The following TBC1D5 variants were observed in gnomAD, a reference collection of about 807,000 sequenced individuals.
TBC1D5 encodes the protein TBC1 domain family member 5.
In TBC1D5, 75 loss-of-function variants were observed where a neutral mutation model predicts 100.3. The ratio of observed to expected loss-of-function variants is 0.75; its 90% CI spans 0.62 to 0.91. The LOEUF (loss-of-function observed/expected upper bound fraction) is 0.91. TBC1D5 is among the 40% of genes least tolerant of loss of function. The pLI is 0.00. For synonymous variants in TBC1D5, 323 were observed against 325.6 expected (o/e 0.99, Z 0.09); for missense variants, 910 against 942.4 (o/e 0.97, Z 0.45).
intron 17 of TBC1D5, among the ~76,000 whole-genome samples, chr3:17,223,901 AAAAC>A (rs1311724410): frequency 2.2e-5 from 1 of 45,876 alleles, no homozygotes; most frequent in Non-Finnish European, 5.3e-5. Context: ...CTGTCTCAAA[AAAAC>A]AAAACAAAAC....
intron 7 of TBC1D5, among the ~76,000 whole-genome samples, chr3:17,404,105 G>A (rs944728597): frequency 3.3e-5 from 5 of 152,006 alleles, no homozygotes; most frequent in Non-Finnish European, 1.5e-5. Flanking sequence ...AAATACTTAC[G>A]TATTGGGAAA....
At chr3:17,276,568 G>C (rs943629357) in intron 15 of TBC1D5, among the ~76,000 whole-genome samples, 1 of 152,208 alleles carries the variant, frequency 6.6e-6, no homozygotes, top group African/African-American at 2.4e-5. Context: ...TTTTCTGACA[G>C]CACTAGCAAA....
At chr3:17,335,918 T>C (rs983457897) in intron 13 of TBC1D5, among the ~76,000 whole-genome samples, 2 of 152,136 alleles carry the variant, frequency 1.3e-5, no homozygotes, top group African/African-American at 4.8e-5. Flanking sequence ...ATAAAGCTCA[T>C]GCTGGCTTCT....
chr3:17,553,755 T>C (rs1366266657), intron 2 of TBC1D5, among the ~76,000 whole-genome samples: 2 of 152,210 alleles, frequency 1.3e-5, no homozygotes, highest in Non-Finnish European at 1.5e-5. Flanking sequence ...AGAACATGTA[T>C]CATGTTAACA....
intron 2 of TBC1D5, among the ~76,000 whole-genome samples, chr3:17,532,194 T>C (rs147896259): frequency 0.05 from 7,620 of 152,204 alleles, 251 homozygotes; most frequent in South Asian, 0.077. Context: ...CAGACACTTC[T>C]CAAAAGAAGA....
chr3:17,454,689 T>G (rs1206703239), intron 3 of TBC1D5, among the ~76,000 whole-genome samples: 1 of 152,136 alleles, frequency 6.6e-6, no homozygotes, highest in East Asian at 1.9e-4. Flanking sequence ...CTTGATCTCC[T>G]GACCTCGTGA....
intron 1 of TBC1D5, among the ~76,000 whole-genome samples, chr3:17,685,682 A>T (rs2070165929): frequency 6.6e-6 from 1 of 152,130 alleles, no homozygotes; most frequent in Non-Finnish European, 1.5e-5. Flanking sequence ...GTTCTCATAC[A>T]TCATTAATAT....
At chr3:17,507,321 A>C (rs1046271039) in intron 3 of TBC1D5, among the ~76,000 whole-genome samples, 3 of 152,202 alleles carry the variant, frequency 2.0e-5, no homozygotes, top group African/African-American at 4.8e-5. Context: ...AATATTAAAC[A>C]TAAGTCTTGA....
chr3:17,598,605 A>C (rs888593280), intron 2 of TBC1D5, among the ~76,000 whole-genome samples: 4 of 152,198 alleles, frequency 2.6e-5, no homozygotes, highest in African/African-American at 9.7e-5. Flanking sequence ...CAAACTGCAA[A>C]AAGAAAAACT....
At chr3:17,223,497 C>T (rs2148703775) in intron 17 of TBC1D5, among the ~76,000 whole-genome samples, 1 of 152,254 alleles carries the variant, frequency 6.6e-6, no homozygotes, top group South Asian at 2.1e-4. Flanking sequence ...CTTTAATTCA[C>T]TTGCTCAAGA....
In TBC1D5 at chr3:17,227,847, TAA is replaced by T. The variant is rs550521207; in HGVS notation, c.1588+10314_1588+10315del. ...TGCACATGTACCACTGAACCTAAAA[TAA>T]AAGTTTTTTTTTTTTTTTTTAAGAA... is the stretch of plus-strand genomic sequence containing the variant. On this transcript the variant is annotated intron_variant, in intron 17 of 21. Transcript: ENST00000253692. 1.9e-3 allele frequency among the ~76,000 whole-genome samples: 257 copies of T among 135,796 alleles called. 1 individual carries two copies. The highest frequency in any genetic ancestry group is 6.9e-3 in the African/African-American group (240 of 34,864). 89.1% of individuals were successfully genotyped at this position (135,796 alleles called of 152,430 possible).
At position 17,479,840 on chromosome 3, in the gene TBC1D5, C is replaced by T. The variant is rs553311689; in HGVS notation, c.97+28634G>A. Among the ~76,000 whole-genome samples, 164 of 152,314 alleles carry T rather than the reference C, an allele frequency of 1.1e-3. 1 individual carries two copies. Among genetic ancestry groups the T allele is most frequent in the African/African-American group, 3.8e-3 (158 of 41,568 alleles). On this transcript the variant is annotated intron_variant, in intron 3 of 21. Transcript: ENST00000253692. Reference sequence around the variant, plus strand: ...GAGGCGCTAGCTGGGGCTGCATGCTCTATGAACCTGCGGGAGCGAGGGACA... The same window carrying T: ...GAGGCGCTAGCTGGGGCTGCATGCTTTATGAACCTGCGGGAGCGAGGGACA...
chr3:17,360,688 G>A (rs2151870695), intron 13 of TBC1D5, among the ~76,000 whole-genome samples: 1 of 151,860 alleles, frequency 6.6e-6, no homozygotes, highest in East Asian at 1.9e-4. Flanking sequence ...TTAATAAACT[G>A]TTCTAATAAA....
intron 2 of TBC1D5, among the ~76,000 whole-genome samples, chr3:17,600,844 CCAAAGT>C (rs1388861736): frequency 1.3e-5 from 2 of 152,106 alleles, no homozygotes; most frequent in African/African-American, 2.4e-5. Flanking sequence ...AAAAAACTGC[CCAAAGT>C]CAATCTTTTT....
At chr3:17,706,623 C>T (rs1198183149) in intron 1 of TBC1D5, among the ~76,000 whole-genome samples, 3 of 151,954 alleles carry the variant, frequency 2.0e-5, no homozygotes, top group Non-Finnish European at 2.9e-5. Context: ...GCAAGAAAAT[C>T]AACCGGAGAT....
chr3:17,720,892 T>C (rs1478891144), intron 1 of TBC1D5, among the ~76,000 whole-genome samples: 1 of 151,902 alleles, frequency 6.6e-6, no homozygotes, highest in African/African-American at 2.4e-5. Flanking sequence ...CAGGCTAGAG[T>C]GCAGTGGCAC....
chr3:17,738,543 T>C (rs1378952291), intron 1 of TBC1D5, among the ~76,000 whole-genome samples: 2 of 152,176 alleles, frequency 1.3e-5, no homozygotes, highest in Non-Finnish European at 1.5e-5. Context: ...TGTAAAAATA[T>C]TAAAATTATT....
chr3:17,295,025 C>G (rs1156841716), intron 14 of TBC1D5, among the ~76,000 whole-genome samples: 2 of 152,102 alleles, frequency 1.3e-5, no homozygotes, highest in Non-Finnish European at 2.9e-5. Context: ...TTTATTCTAT[C>G]AAAGCAGGGC....
chr3:17,492,789 T>G (rs2095655485), intron 3 of TBC1D5, among the ~76,000 whole-genome samples: 1 of 152,226 alleles, frequency 6.6e-6, no homozygotes, highest in Admixed American at 6.5e-5. Flanking sequence ...TCTGGTACAT[T>G]GTCTCTTTTC....
Sources: gnomAD v4.1 joint callset for allele counts (sites outside exome capture counted in the v4.1 genomes callset) on GRCh38, gnomAD v4.1.1 for gene constraint, MANE v1.5 for transcripts, NCBI Gene and HGNC (gene_info 2026-07-23, HGNC 2026-07-21) for gene names.